The following BUB1B variants were observed in gnomAD, a reference collection of about 807,000 sequenced individuals.
BUB1B encodes mitotic checkpoint serine/threonine-protein kinase BUB1 beta.
Under a neutral mutation model 137.7 loss-of-function variants are expected in BUB1B, and 86 were observed. The ratio of observed to expected loss-of-function variants is 0.62; its 90% CI spans 0.52 to 0.75. The LOEUF is 0.75. Ranked by LOEUF, BUB1B falls within the 30% of genes least tolerant of loss-of-function variation. The pLI is 0.00. For missense variants in BUB1B, 1,130 were observed against 1,236.9 expected, an observed-to-expected ratio of 0.91 and a Z score of 1.30; for synonymous variants, 420 against 417.9, an observed-to-expected ratio of 1.00 and a Z score of -0.06.
At chr15:40,184,981 A>G (rs2037340978) in intron 6 of BUB1B, among the ~76,000 whole-genome samples, 184 bp from the exon 7 acceptor site, 1 of 152,168 alleles carries the variant, frequency 6.6e-6, no homozygotes, top group African/African-American at 2.4e-5. Context: ...GTAACAAAGA[A>G]TGGATAAAAC....
At chr15:40,213,598 T>A in intron 20 of BUB1B, 124 bp downstream of exon 20, 1 of 1,067,528 alleles carries the variant, frequency 9.4e-7, no homozygotes, top group Non-Finnish European at 1.4e-6. Flanking sequence ...TACAGTGGCA[T>A]GATCTTGGCT....
chr15:40,171,570 A>G (rs955448821), intron 4 of BUB1B, among the ~76,000 whole-genome samples: 3 of 152,122 alleles, frequency 2.0e-5, no homozygotes, highest in Non-Finnish European at 2.9e-5. Context: ...AAACAGAAAA[A>G]CATAATTGGG....
At position 40,194,192 on chromosome 15, in the gene BUB1B, G is replaced by T. The variant is rs75876600; in HGVS notation, c.1059-2353G>T. On this transcript the variant is annotated intron_variant, in intron 8 of 22. Transcript: ENST00000287598. ...TATTTTCAGATTGTTCATTGCAAAT[G>T]GGTAAAATAGGTTGATTTTGTATAC... is the stretch of plus-strand genomic sequence containing the variant. 8.2e-3 allele frequency among the ~76,000 whole-genome samples: 1,243 copies of T among 152,240 alleles called. 20 individuals carry two copies. The highest frequency in any genetic ancestry group is 0.028 in the African/African-American group (1,170 of 41,546).
rs1256026189 is a variant in BUB1B at position 40,220,869 on chromosome 15, C to T, written c.*110C>T. The T allele has an allele frequency of 2.6e-6, 3 of 1,147,244 alleles. No homozygotes were observed. In the Admixed American group the frequency reaches 5.6e-5, roughly 21 times the overall value. The allele number at this position is 1,147,244 out of a possible 1,614,324, so 71.1% of individuals were successfully genotyped here. A position where few individuals can be genotyped will look rare whatever the true frequency, so the allele number is the denominator to read the frequency against. On this transcript the variant is annotated 3_prime_UTR_variant, in exon 23 of 23. Coordinates refer to ENST00000287598, the MANE Select transcript of BUB1B (RefSeq NM_001211.6). ...TTTAGGACACATTTAGATGCACTAC[C>T]ATTGCTGTTCTACTTTTTGGTACAG...
At chr15:40,190,943 A>C (rs1722278434) in intron 8 of BUB1B, among the ~76,000 whole-genome samples, 1 of 150,480 alleles carries the variant, frequency 6.6e-6, no homozygotes, top group Admixed American at 6.6e-5. Flanking sequence ...TCTGGAGTGC[A>C]GTAGTGCCAT....
chr15:40,210,784 A>T (rs1467095362), intron 18 of BUB1B, among the ~76,000 whole-genome samples: 1 of 152,224 alleles, frequency 6.6e-6, no homozygotes, highest in Non-Finnish European at 1.5e-5. Context: ...GATTACAGGC[A>T]TCTAACTTTG....
intron 8 of BUB1B, among the ~76,000 whole-genome samples, chr15:40,191,739 A>G (rs1312207323): frequency 6.6e-6 from 1 of 152,212 alleles, no homozygotes; most frequent in Non-Finnish European, 1.5e-5. Flanking sequence ...CTCTTTTGCT[A>G]TTGAATGGTC....
intron 4 of BUB1B, among the ~76,000 whole-genome samples, chr15:40,173,522 G>A (rs1339579459): frequency 3.9e-5 from 6 of 152,176 alleles, no homozygotes; most frequent in Non-Finnish European, 8.8e-5. Flanking sequence ...TTTGCATACT[G>A]TTTGAGATAA....
intron 7 of BUB1B, 83 bp from the exon 8 acceptor site, chr15:40,185,468 C>T (rs1489491400): frequency 1.9e-6 from 3 of 1,588,808 alleles, no homozygotes; most frequent in South Asian, 1.1e-5. Flanking sequence ...CTTTTAATTC[C>T]TCTTGAATAT....
intron 4 of BUB1B, chr15:40,173,969 T>C (rs988393732): frequency 5.2e-5 from 23 of 438,112 alleles, no homozygotes; most frequent in Non-Finnish European, 1.0e-4. Flanking sequence ...TCTGGTATTT[T>C]TATTTAAAGG....
At chr15:40,185,672 G>A (rs765796042) in intron 8 of BUB1B, 30 bp downstream of exon 8, 9 of 1,592,132 alleles carry the variant, frequency 5.7e-6, no homozygotes, top group Non-Finnish European at 6.9e-6. Context: ...ATTTTGAAGT[G>A]GGAATTATTA....
At chr15:40,197,536 T>C (rs1426866834) in intron 9 of BUB1B, among the ~76,000 whole-genome samples, 1 of 152,132 alleles carries the variant, frequency 6.6e-6, no homozygotes, top group Non-Finnish European at 1.5e-5. Context: ...TTTATTAGGA[T>C]CTGTAAGGAG....
chr15:40,200,880 A>G, intron 11 of BUB1B, 51 bp from the exon 12 acceptor site: 1 of 1,504,744 alleles, frequency 6.6e-7, no homozygotes, highest in Middle Eastern at 1.7e-4. Context: ...AAAATTAAAC[A>G]GTTCTTTCTG....
intron 1 of BUB1B, among the ~76,000 whole-genome samples, chr15:40,162,178 C>T (rs2037049759): frequency 6.6e-6 from 1 of 152,120 alleles, no homozygotes; most frequent in Non-Finnish European, 1.5e-5. Flanking sequence ...GAAGGAATCT[C>T]AAAAGCTAGA....
chr15:40,192,480 C>A (rs2037449438), intron 8 of BUB1B, among the ~76,000 whole-genome samples: 1 of 152,208 alleles, frequency 6.6e-6, no homozygotes, highest in Admixed American at 6.5e-5. Context: ...ATAATATTAT[C>A]TATCCATCAT....
At chr15:40,195,120 T>C (rs73390162) in intron 8 of BUB1B, among the ~76,000 whole-genome samples, 12,303 of 152,144 alleles carry the variant, frequency 0.081, 1,640 homozygotes, top group African/African-American at 0.28. Flanking sequence ...TGTGTAGTCT[T>C]TTAACCCTTA....
chr15:40,199,517 T>G, intron 9 of BUB1B, 98 bp from the exon 10 acceptor site: 2 of 843,808 alleles, frequency 2.4e-6, no homozygotes, highest in Non-Finnish European at 4.0e-6. Flanking sequence ...TCATCTGTAT[T>G]AGTAACATAT....
chr15:40,206,393 C>G lies in BUB1B; in HGVS notation c.1944C>G (p.Thr648=), dbSNP rs2037637355. The stretch of plus-strand genomic sequence containing the variant: ...CGGAAGAAGATCTAGATGTAAAGAC[C>G]TCTGAGGACCAGCAGACAGCTTGTG... ...LLPEEDLDVK[T]SEDQQTACGT... The change falls in exon 15 of 23, where the codon ACC becomes ACG. Residue 648 remains threonine, a synonymous_variant. Transcript: ENST00000287598. 1 of 1,614,186 alleles carries G rather than the reference C, an allele frequency of 6.2e-7. No homozygotes were observed. Among genetic ancestry groups the G allele is most frequent in the Non-Finnish European group, 8.5e-7 (1 of 1,180,032 alleles).
At chr15:40,203,719 C>T (rs569085947) in intron 14 of BUB1B, among the ~76,000 whole-genome samples, 83 of 152,158 alleles carry the variant, frequency 5.5e-4, no homozygotes, top group African/African-American at 1.9e-3. Context: ...CTATATTAAC[C>T]GCTATAGACT....
Sources: allele counts gnomAD v4.1 joint callset (sites outside exome capture counted in the v4.1 genomes callset), GRCh38; gene constraint gnomAD v4.1.1; transcripts MANE v1.5; gene names NCBI Gene and HGNC (gene_info 2026-07-23, HGNC 2026-07-21).